ARL15: variants seen among roughly 807,000 people sequenced by gnomAD.
The protein encoded by ARL15 is ARF like GTPase 15.
In ARL15, 19 loss-of-function variants were observed where a neutral mutation model predicts 25.2. The observed-to-expected ratio is 0.75, with a 90% CI of 0.53 to 1.10. ARL15 has a LOEUF of 1.10. Ranked by LOEUF, ARL15 falls within the 50% of genes least tolerant of loss-of-function variation. ARL15 has a pLI of 0.00. For missense variants in ARL15, 220 were observed against 246.0 expected (o/e 0.89, Z 0.71); for synonymous variants, 94 against 86.8 (o/e 1.08, Z -0.46).
At chr5:54,165,449 C>A (rs1754533846) in intron 2 of ARL15, among the ~76,000 whole-genome samples, 2 of 151,646 alleles carry the variant, frequency 1.3e-5, no homozygotes, top group South Asian at 4.2e-4. Flanking sequence ...AAAGTCTAGT[C>A]TTTATTTTTA....
chr5:54,052,737 GCA>G (rs370469983), intron 4 of ARL15, among the ~76,000 whole-genome samples: 1 of 151,208 alleles, frequency 6.6e-6, no homozygotes, highest in African/African-American at 2.4e-5. Flanking sequence ...ACATGGGCCA[GCA>G]CACACACACA....
chr5:54,121,240 A>G (rs1753064643), intron 3 of ARL15, among the ~76,000 whole-genome samples: 2 of 152,172 alleles, frequency 1.3e-5, no homozygotes, highest in South Asian at 4.1e-4. Flanking sequence ...TCTGCAATAT[A>G]TGACTGCACT....
At chr5:53,992,863 A>G (rs1001080058) in intron 4 of ARL15, among the ~76,000 whole-genome samples, 1 of 149,290 alleles carries the variant, frequency 6.7e-6, no homozygotes, top group African/African-American at 2.5e-5. Context: ...CCAGACCAAC[A>G]TGGAGAAACC....
At chr5:54,271,476 T>C (rs1757781254) in intron 1 of ARL15, among the ~76,000 whole-genome samples, 2 of 152,352 alleles carry the variant, frequency 1.3e-5, no homozygotes, top group South Asian at 2.1e-4. Context: ...AATAGTTACA[T>C]TGTTTGGGAA....
At chr5:53,926,364 G>C (rs1464959170) in intron 4 of ARL15, among the ~76,000 whole-genome samples, 1 of 152,064 alleles carries the variant, frequency 6.6e-6, no homozygotes, top group East Asian at 1.9e-4. Flanking sequence ...AGAAAGGGCT[G>C]TCTAGTGGGA....
intron 1 of ARL15, among the ~76,000 whole-genome samples, chr5:54,204,811 A>G (rs1016092893): frequency 1.3e-5 from 2 of 152,192 alleles, no homozygotes. Flanking sequence ...AAGCTCATTT[A>G]GTAGTTATCG....
intron 4 of ARL15, among the ~76,000 whole-genome samples, chr5:54,000,508 T>G (rs898894378): frequency 1.3e-5 from 2 of 152,188 alleles, no homozygotes; most frequent in Non-Finnish European, 2.9e-5. Flanking sequence ...TAACAACTGA[T>G]GTAGAAAGAT....
intron 1 of ARL15, among the ~76,000 whole-genome samples, chr5:54,241,344 A>G (rs1452476112): frequency 6.6e-6 from 1 of 152,176 alleles, no homozygotes; most frequent in Non-Finnish European, 1.5e-5. Flanking sequence ...GTGGTAGTAA[A>G]AATATCACCC....
intron 4 of ARL15, among the ~76,000 whole-genome samples, chr5:54,087,840 T>G (rs1472369175): frequency 1.2e-5 from 1 of 81,068 alleles, no homozygotes; most frequent in Non-Finnish European, 3.0e-5. Flanking sequence ...CATGCCCGAC[T>G]AATTTTTGTA....
rs572078495 is a variant in ARL15 at position 53,913,037 on chromosome 5, C to T, written c.463-26324G>A. Reference sequence around the variant, plus strand: ...TGGTCAGGCCAGGCATGCTGGCTCACGCCTGTAATCCCAGCACTTTCGGAG... The same window carrying T: ...TGGTCAGGCCAGGCATGCTGGCTCATGCCTGTAATCCCAGCACTTTCGGAG... On this transcript the variant is annotated intron_variant, in intron 4 of 4. Coordinates refer to ENST00000504924, the MANE Select transcript of ARL15 (RefSeq NM_019087.3). 8.5e-5 allele frequency among the ~76,000 whole-genome samples: 13 copies of T among 152,306 alleles called. No individual in the cohort carries two copies. In the South Asian group the frequency reaches 2.3e-3, roughly 27 times the overall value.
chr5:54,025,680 TG>T (rs1161616485), intron 4 of ARL15, among the ~76,000 whole-genome samples: 2 of 152,126 alleles, frequency 1.3e-5, no homozygotes, highest in South Asian at 2.1e-4. Flanking sequence ...TTTGTTTGTT[TG>T]TTTCGGTAAT....
At chr5:54,141,342 C>T (rs1753775841) in intron 3 of ARL15, among the ~76,000 whole-genome samples, 2 of 152,066 alleles carry the variant, frequency 1.3e-5, no homozygotes, top group African/African-American at 4.8e-5. Context: ...GGTTTTCTTT[C>T]CGAGTCCTTT....
chr5:54,051,761 A>T (rs1312331172), intron 4 of ARL15, among the ~76,000 whole-genome samples: 1 of 152,220 alleles, frequency 6.6e-6, no homozygotes, highest in Admixed American at 6.5e-5. Flanking sequence ...AGTTTCTTAC[A>T]AATACGACCC....
At chr5:53,940,635 T>G (rs1415592425) in intron 4 of ARL15, among the ~76,000 whole-genome samples, 3 of 152,188 alleles carry the variant, frequency 2.0e-5, no homozygotes, top group Admixed American at 6.5e-5. Flanking sequence ...TCACATGGCA[T>G]TTTTCTATGC....
intron 4 of ARL15, among the ~76,000 whole-genome samples, chr5:53,957,292 A>G (rs1159611475): frequency 6.6e-6 from 1 of 152,210 alleles, no homozygotes; most frequent in Non-Finnish European, 1.5e-5. Context: ...GGGGACCAAA[A>G]AGGAGTGGGA....
intron 1 of ARL15, among the ~76,000 whole-genome samples, chr5:54,186,333 T>C (rs1168173929): frequency 5.3e-5 from 8 of 152,204 alleles, no homozygotes; most frequent in Non-Finnish European, 1.5e-5. Flanking sequence ...AAGTCTGTTA[T>C]TGGTGATGAG....
chr5:54,308,813 GTAAA>G lies in ARL15; in HGVS notation c.48+1615_48+1618del, dbSNP rs1291370872. ...AATTTATAAATTTAAAACACATCCGGTAAATAAAGAAAATAATAAAATGTCAGAA... is the reference window on the plus strand; with the variant it reads ...AATTTATAAATTTAAAACACATCCGGTAAAGAAAATAATAAAATGTCAGAA... On this transcript the variant is annotated intron_variant, in intron 1 of 4. Coordinates refer to ENST00000504924, the MANE Select transcript of ARL15 (RefSeq NM_019087.3). Among the ~76,000 whole-genome samples the G allele has an allele frequency of 2.0e-5, 3 of 152,058 alleles. No homozygotes were observed. The East Asian group carries it at 5.8e-4, about 29-fold the overall frequency.
chr5:54,269,077 A>G (rs562956131), intron 1 of ARL15, among the ~76,000 whole-genome samples: 95 of 147,116 alleles, frequency 6.5e-4, no homozygotes, highest in African/African-American at 2.1e-3. Flanking sequence ...GTTGTGGGGT[A>G]GGGGTGGGGG....
chr5:54,200,710 T>C (rs766750076), intron 1 of ARL15, among the ~76,000 whole-genome samples: 5 of 152,100 alleles, frequency 3.3e-5, no homozygotes, highest in East Asian at 1.9e-4. Context: ...TGAGAGAAAA[T>C]ACAGGGAATA....
Sources: allele counts gnomAD v4.1 joint callset (sites outside exome capture counted in the v4.1 genomes callset), GRCh38; gene constraint gnomAD v4.1.1; transcripts MANE v1.5; gene names NCBI Gene and HGNC (gene_info 2026-07-23, HGNC 2026-07-21).